The following TLK1 variants were observed in gnomAD, a reference collection of about 807,000 sequenced individuals.
TLK1 encodes tousled like kinase 1.
In TLK1, 24 loss-of-function variants were observed where a neutral mutation model predicts 105.3. The observed-to-expected ratio is 0.23, with a 90% CI of 0.17 to 0.32. The LOEUF (loss-of-function observed/expected upper bound fraction) is 0.32. Ranked by LOEUF, TLK1 falls within the 10% of genes least tolerant of loss-of-function variation. TLK1 has a pLI of 1.00. For missense variants in TLK1, 558 were observed against 910.5 expected (o/e 0.61, Z 4.98); for synonymous variants, 321 against 310.4 (o/e 1.03, Z -0.36).
intron 2 of TLK1, among the ~76,000 whole-genome samples, chr2:171,084,850 TAA>T (rs1688901382): frequency 6.6e-6 from 1 of 151,982 alleles, no homozygotes; most frequent in Non-Finnish European, 1.5e-5. Context: ...GCATTAAAAA[TAA>T]AAGTTTCAGA....
At chr2:171,049,063 T>C (rs2105427691) in intron 10 of TLK1, among the ~76,000 whole-genome samples, 1 of 152,192 alleles carries the variant, frequency 6.6e-6, no homozygotes, top group South Asian at 2.1e-4. Context: ...CATGTATAAG[T>C]GGGAGCTAAA....
chr2:171,018,618 C>T (rs759262886), intron 12 of TLK1, among the ~76,000 whole-genome samples: 1 of 152,158 alleles, frequency 6.6e-6, no homozygotes. Flanking sequence ...CACAATTGAT[C>T]TGAATTCACC....
At chr2:171,172,314 T>A (rs1692745495) in intron 1 of TLK1, among the ~76,000 whole-genome samples, 1 of 152,188 alleles carries the variant, frequency 6.6e-6, no homozygotes, top group African/African-American at 2.4e-5. Context: ...TAGTTTAGGT[T>A]CAGGTTACAA....
intron 1 of TLK1, among the ~76,000 whole-genome samples, chr2:171,195,299 T>A (rs371416012): frequency 1.3e-5 from 2 of 151,712 alleles, no homozygotes. Flanking sequence ...GTCAGGAGAT[T>A]GAGACCATCC....
At chr2:171,218,146 C>T (rs11890865) in intron 1 of TLK1, among the ~76,000 whole-genome samples, 11,860 of 152,052 alleles carry the variant, frequency 0.078, 516 homozygotes, top group Admixed American at 0.12. Flanking sequence ...TCCAGCTACT[C>T]GGGAGGTTGA....
chr2:171,061,630 C>G (rs1687754885), intron 3 of TLK1, among the ~76,000 whole-genome samples: 1 of 152,122 alleles, frequency 6.6e-6, no homozygotes, highest in Non-Finnish European at 1.5e-5. Context: ...TAAAAAGGAC[C>G]ATCCACGTAA....
chr2:171,226,203 A>C (rs190473699), intron 1 of TLK1, among the ~76,000 whole-genome samples: 3 of 152,322 alleles, frequency 2.0e-5, no homozygotes, highest in African/African-American at 7.2e-5. Flanking sequence ...CTTTGTTACA[A>C]CCACATAATC....
intron 1 of TLK1, among the ~76,000 whole-genome samples, chr2:171,226,619 G>C (rs1394689044): frequency 6.6e-6 from 1 of 152,192 alleles, no homozygotes; most frequent in Non-Finnish European, 1.5e-5. Flanking sequence ...GAAGCAAGTA[G>C]ACAACATTTG....
chr2:171,182,982 G>A (rs537990555), intron 1 of TLK1, among the ~76,000 whole-genome samples: 20 of 138,330 alleles, frequency 1.4e-4, no homozygotes, highest in South Asian at 4.3e-4. Context: ...TTATTGTGAC[G>A]CTGGACAAAC....
chr2:171,155,157 T>C (rs1418286037), intron 1 of TLK1, among the ~76,000 whole-genome samples: 1 of 152,142 alleles, frequency 6.6e-6, no homozygotes, highest in Non-Finnish European at 1.5e-5. Context: ...TTAAAAACAT[T>C]AGAATAACTT....
chr2:171,128,422 T>C (rs6710035), intron 1 of TLK1, among the ~76,000 whole-genome samples: 35,118 of 151,916 alleles, frequency 0.23, 4,372 homozygotes, highest in Middle Eastern at 0.34. Context: ...CCTTATAGAG[T>C]TGTTAAAGTA....
At chr2:171,150,680 A>G (rs1691996075) in intron 1 of TLK1, among the ~76,000 whole-genome samples, 1 of 152,266 alleles carries the variant, frequency 6.6e-6, no homozygotes, top group African/African-American at 2.4e-5. Context: ...CTGGGGCTCC[A>G]GAAGCAAGAG....
At chr2:171,161,899 A>G (rs2105617745), upstream of TLK1, among the ~76,000 whole-genome samples, 1 of 152,342 alleles carries the variant, frequency 6.6e-6, no homozygotes, top group Non-Finnish European at 1.5e-5. Context: ...CAACAAGGTT[A>G]TTTCTCTCTT....
At chr2:171,021,900 C>T (rs1685527427) in intron 12 of TLK1, among the ~76,000 whole-genome samples, 1 of 152,064 alleles carries the variant, frequency 6.6e-6, no homozygotes, top group Non-Finnish European at 1.5e-5. Context: ...GAGTTCGACA[C>T]CAGCCTGACC....
At chr2:171,064,204 A>T (rs1346068181) in intron 3 of TLK1, among the ~76,000 whole-genome samples, 1 of 152,234 alleles carries the variant, frequency 6.6e-6, no homozygotes, top group Non-Finnish European at 1.5e-5. Flanking sequence ...ATTAATTTTA[A>T]GACTGTTGTG....
At chr2:171,077,867 T>C (rs1433338029) in intron 3 of TLK1, among the ~76,000 whole-genome samples, 3 of 152,246 alleles carry the variant, frequency 2.0e-5, no homozygotes, top group African/African-American at 7.2e-5. Context: ...TGTGAATTCA[T>C]GAGCTAATGA....
intron 7 of TLK1, 55 bp downstream of exon 7, chr2:171,055,028 G>A: frequency 9.9e-7 from 1 of 1,005,364 alleles, no homozygotes; most frequent in Non-Finnish European, 1.4e-6. Flanking sequence ...TTGTTAGTAA[G>A]TTAGTCAATG....
chr2:171,065,557 A>G (rs1352827171), intron 3 of TLK1, among the ~76,000 whole-genome samples: 1 of 125,756 alleles, frequency 8.0e-6, no homozygotes, highest in African/African-American at 3.1e-5. Context: ...TTTTTTTTTG[A>G]GACGGAGTCT....
intron 1 of TLK1, among the ~76,000 whole-genome samples, chr2:171,146,486 T>C (rs763610608): frequency 1.3e-5 from 2 of 152,216 alleles, no homozygotes; most frequent in Non-Finnish European, 2.9e-5. Context: ...GCATAAAACT[T>C]TATACAATGG....
Sources: allele counts gnomAD v4.1 joint callset (sites outside exome capture counted in the v4.1 genomes callset), GRCh38; gene constraint gnomAD v4.1.1; transcripts MANE v1.5; gene names NCBI Gene and HGNC (gene_info 2026-07-23, HGNC 2026-07-21).